The following MEMO1 variants were observed in gnomAD, a reference collection of about 807,000 sequenced individuals.
MEMO1 encodes the protein mediator of cell motility 1, also known as protein MEMO1.
A neutral mutation model predicts 45.2 loss-of-function variants in MEMO1; 6 were observed. The ratio of observed to expected loss-of-function variants is 0.13; its 90% confidence interval spans 0.07 to 0.26. The LOEUF is 0.26. MEMO1 is among the 10% of genes least tolerant of loss of function. MEMO1 has a pLI of 1.00. For synonymous variants in MEMO1, 78 were observed against 124.3 expected, an observed-to-expected ratio of 0.63 and a Z score of 2.48; for missense variants, 184 against 370.5, an observed-to-expected ratio of 0.50 and a Z score of 4.13.
intron 2 of MEMO1, among the ~76,000 whole-genome samples, chr2:31,980,483 T>G (rs1028618742): frequency 1.3e-5 from 2 of 152,112 alleles, no homozygotes; most frequent in African/African-American, 2.4e-5. Flanking sequence ...TAAGTCATTG[T>G]TCTTCATTCA....
chr2:31,943,769 T>C (rs1421530742), intron 2 of MEMO1, among the ~76,000 whole-genome samples: 2 of 152,192 alleles, frequency 1.3e-5, no homozygotes, highest in African/African-American at 2.4e-5. Flanking sequence ...GATTAATCAC[T>C]GAAATGACAT....
chr2:31,917,767 T>C (rs1323835457), intron 6 of MEMO1, among the ~76,000 whole-genome samples, 159 bp downstream of exon 6: 2 of 152,206 alleles, frequency 1.3e-5, no homozygotes, highest in Non-Finnish European at 2.9e-5. Context: ...AGGCAAACTA[T>C]TCAAAACCAA....
intron 2 of MEMO1, among the ~76,000 whole-genome samples, chr2:31,967,111 T>C (rs1668717836): frequency 7.0e-6 from 1 of 142,448 alleles, no homozygotes; most frequent in African/African-American, 2.6e-5. Flanking sequence ...TACCAGTCAA[T>C]AGTCAGTATT....
chr2:31,988,766 C>G (rs1671583552), intron 2 of MEMO1, among the ~76,000 whole-genome samples: 2 of 152,108 alleles, frequency 1.3e-5, no homozygotes, highest in Admixed American at 6.6e-5. Flanking sequence ...ATTCTGTGCA[C>G]TTAAATGGGT....
At chr2:31,997,282 C>T (rs1316396980) in intron 2 of MEMO1, among the ~76,000 whole-genome samples, 1 of 152,084 alleles carries the variant, frequency 6.6e-6, no homozygotes, top group African/African-American at 2.4e-5. Context: ...AATAAGAAAT[C>T]GTCAAGCAAC....
chr2:31,906,922 T>C (rs886770505), intron 6 of MEMO1, among the ~76,000 whole-genome samples: 1 of 152,158 alleles, frequency 6.6e-6, no homozygotes, highest in African/African-American at 2.4e-5. Context: ...TAAATATCTG[T>C]ATAAAAAAAT....
chr2:31,905,658 A>G (rs1016968498), intron 6 of MEMO1, among the ~76,000 whole-genome samples: 2 of 152,166 alleles, frequency 1.3e-5, no homozygotes, highest in African/African-American at 4.8e-5. Flanking sequence ...CATTCTCTTA[A>G]ACTTACACTC....
intron 2 of MEMO1, among the ~76,000 whole-genome samples, chr2:31,994,270 C>T (rs1672302270): frequency 6.6e-6 from 1 of 151,492 alleles, no homozygotes; most frequent in Non-Finnish European, 1.5e-5. Context: ...CACCTCAATA[C>T]TTCTTAAATG....
chr2:31,997,535 C>T (rs541387188), intron 2 of MEMO1, among the ~76,000 whole-genome samples: 2 of 152,152 alleles, frequency 1.3e-5, no homozygotes, highest in Non-Finnish European at 2.9e-5. Context: ...CTGTGACTAA[C>T]AAAATCAGGC....
intron 5 of MEMO1, among the ~76,000 whole-genome samples, chr2:31,919,851 T>C (rs1194165892): frequency 1.3e-5 from 2 of 151,478 alleles, no homozygotes; most frequent in African/African-American, 4.9e-5. Context: ...TATGTGTGTG[T>C]CGGGGTGTGT....
At chr2:31,905,666 C>G (rs1322610620) in intron 6 of MEMO1, among the ~76,000 whole-genome samples, 1 of 152,204 alleles carries the variant, frequency 6.6e-6, no homozygotes, top group Admixed American at 6.5e-5. Context: ...TAAACTTACA[C>G]TCTTTTCTGG....
At position 31,957,820 on chromosome 2, in the gene MEMO1, A is replaced by G. The variant is rs145836617; in HGVS notation, c.62-14437T>C. Among the ~76,000 whole-genome samples the G allele has an allele frequency of 7.4e-3, 1,131 of 152,386 alleles. 4 individuals carry two copies. The highest frequency in any genetic ancestry group is 0.014 in the Middle Eastern group (4 of 294). On this transcript the variant is annotated intron_variant, in intron 2 of 9. Transcript: ENST00000404530. ...GTCAGCATTTACAGATAATCTAGAT[A>G]AGTTAAATTGCCTTCTGAAGTAATT...
chr2:31,971,246 A>T (rs1669360145), intron 2 of MEMO1, among the ~76,000 whole-genome samples: 1 of 152,116 alleles, frequency 6.6e-6, no homozygotes, highest in East Asian at 1.9e-4. Flanking sequence ...AGAAAAATGT[A>T]AGCATAAACC....
rs145159475 is a variant in MEMO1 at position 31,912,317 on chromosome 2, G to A, written c.437+5609C>T. 8.2e-3 allele frequency among the ~76,000 whole-genome samples: 1,241 copies of A among 151,938 alleles called. 19 individuals are homozygous for A. The highest frequency in any genetic ancestry group is 0.012 in the Non-Finnish European group (834 of 67,910). On this transcript the variant is annotated intron_variant, in intron 6 of 9. Coordinates refer to ENST00000404530, the MANE Select transcript of MEMO1 (RefSeq NM_001301833.4). The stretch of plus-strand genomic sequence containing the variant: ...TGCCATGCCACTGCACTCTAGCCTG[G>A]GCAACAGAGCAAGACTCCGCCTCAA...
chr2:31,999,014 A>T (rs1165523811), intron 2 of MEMO1, among the ~76,000 whole-genome samples: 1 of 152,120 alleles, frequency 6.6e-6, no homozygotes, highest in East Asian at 1.9e-4. Context: ...CAACTCCATC[A>T]CTGCTAATGC....
chr2:31,961,523 G>C lies in MEMO1; in HGVS notation c.62-18140C>G, dbSNP rs545518310. 7.8e-4 allele frequency among the ~76,000 whole-genome samples: 119 copies of C among 152,058 alleles called. 1 individual carries two copies. The highest frequency in any genetic ancestry group is 2.6e-3 in the African/African-American group (109 of 41,496). On this transcript the variant is annotated intron_variant, in intron 2 of 9. Transcript: ENST00000404530. Reference sequence around the variant, plus strand: ...CACGCCTATAATCCCAGCACTTTGGGAGGCCTAGGCAGGCGAATTGCTTGA... The same window carrying C: ...CACGCCTATAATCCCAGCACTTTGGCAGGCCTAGGCAGGCGAATTGCTTGA...
intron 2 of MEMO1, 38 bp from the exon 3 acceptor site, chr2:31,943,421 C>T: frequency 7.1e-7 from 1 of 1,415,764 alleles, no homozygotes; most frequent in Non-Finnish European, 1.0e-6. Context: ...GTCAGCAAAG[C>T]AATGTACTAC....
At chr2:31,941,424 A>C (rs1665602002) in intron 3 of MEMO1, among the ~76,000 whole-genome samples, 1 of 152,040 alleles carries the variant, frequency 6.6e-6, no homozygotes, top group African/African-American at 2.4e-5. Flanking sequence ...CCATACTGTC[A>C]CTCTCAATCC....
intron 2 of MEMO1, among the ~76,000 whole-genome samples, chr2:31,957,142 C>CAAA (rs754542523): frequency 2.6e-5 from 2 of 77,656 alleles, no homozygotes; most frequent in African/African-American, 5.6e-5. Flanking sequence ...AACTCCGTCT[C>CAAA]AAAAAAAAAA....
Sources: allele counts gnomAD v4.1 joint callset (sites outside exome capture counted in the v4.1 genomes callset), GRCh38; gene constraint gnomAD v4.1.1; transcripts MANE v1.5; gene names NCBI Gene and HGNC (gene_info 2026-07-23, HGNC 2026-07-21).